The following SCUBE2 variants were observed in gnomAD, a reference collection of about 807,000 sequenced individuals.
SCUBE2 encodes the protein signal peptide, CUB domain and EGF like domain containing 2, also known as signal peptide, CUB and EGF-like domain-containing protein 2.
SCUBE2 carries 114 observed loss-of-function variants against 125.9 expected under a neutral mutation model. The ratio of observed to expected loss-of-function variants is 0.91; its 90% confidence interval spans 0.78 to 1.06. The LOEUF is 1.06. SCUBE2 is among the 50% of genes least tolerant of loss of function. The pLI, the probability that SCUBE2 is intolerant of heterozygous loss-of-function variation, is 0.00. For missense variants in SCUBE2, 1,255 were observed against 1,301.8 expected, an observed-to-expected ratio of 0.96 and a Z score of 0.55; for synonymous variants, 459 against 492.9, an observed-to-expected ratio of 0.93 and a Z score of 0.91.
chr11:9,035,370 C>T (rs1006854842), intron 16 of SCUBE2, among the ~76,000 whole-genome samples: 2 of 152,164 alleles, frequency 1.3e-5, no homozygotes, highest in Non-Finnish European at 2.9e-5. Flanking sequence ...TTGTGAAATA[C>T]TCCTATGGTA....
At chr11:9,027,924 G>T (rs551954873) in intron 19 of SCUBE2, among the ~76,000 whole-genome samples, 1 of 152,258 alleles carries the variant, frequency 6.6e-6, no homozygotes, top group African/African-American at 2.4e-5. Context: ...TCAAAATAGG[G>T]GGAACAGAGC....
chr11:9,065,827 G>T, intron 7 of SCUBE2, 64 bp downstream of exon 7: 1 of 1,396,794 alleles, frequency 7.2e-7, no homozygotes, highest in South Asian at 1.2e-5. Context: ...CAGGTCTGAT[G>T]CAATAAGTTG....
chr11:9,064,548 G>A (rs1006448300), intron 7 of SCUBE2: 1 of 151,764 alleles, frequency 6.6e-6, no homozygotes, highest in South Asian at 2.1e-4. Flanking sequence ...GGGGGAGGAG[G>A]AGCCAGAAGA....
In SCUBE2 at chr11:9,055,876, T is replaced by C. The variant is rs769248697; in HGVS notation, c.1124A>G (p.Asp375Gly). 4.2e-5 allele frequency: 67 copies of C among 1,614,110 alleles called. No homozygotes were observed. Among genetic ancestry groups the C allele is most frequent in the Non-Finnish European group, 5.5e-5 (65 of 1,180,020 alleles). Reference sequence around the variant, plus strand: ...GCCAGGGTGGTTGATGCAGCTGTGGTCACAGGTCCTATCCAAAGAGCACTC... The same window carrying C: ...GCCAGGGTGGTTGATGCAGCTGTGGCCACAGGTCCTATCCAAAGAGCACTC... ...VDECSLDRTC[D>G]HSCINHPGTF... Residue 375 changes from aspartate to glycine, a missense_variant, in exon 10 of 23, where the codon GAC (aspartate) becomes GGC (glycine). Transcript: ENST00000649792.
intron 4 of SCUBE2, among the ~76,000 whole-genome samples, chr11:9,074,072 G>A (rs1424070254): frequency 6.6e-6 from 1 of 152,178 alleles, no homozygotes; most frequent in Non-Finnish European, 1.5e-5. Context: ...AAGTCTGCAT[G>A]GGAAGGATCC....
At chr11:9,029,738 G>C (rs1856123512) in intron 19 of SCUBE2, 146 bp downstream of exon 19, 1 of 842,858 alleles carries the variant, frequency 1.2e-6, no homozygotes. Flanking sequence ...TCTCCATGCT[G>C]GTCTGCATGG....
chr11:9,060,686 A>AC (rs987423496), intron 7 of SCUBE2, among the ~76,000 whole-genome samples, 162 bp from the exon 8 acceptor site: 37 of 152,116 alleles, frequency 2.4e-4, no homozygotes, highest in African/African-American at 2.4e-4. Context: ...AGCTCCTCCC[A>AC]CCCCCCTAAA....
intron 8 of SCUBE2, 76 bp from the exon 9 acceptor site, chr11:9,059,501 T>G: frequency 6.6e-7 from 1 of 1,525,738 alleles, no homozygotes; most frequent in Middle Eastern, 1.7e-4. Flanking sequence ...AGGGCCATTG[T>G]GTGTGTTCAT....
chr11:9,073,366 G>A (rs1026903928), intron 4 of SCUBE2, among the ~76,000 whole-genome samples: 3 of 152,140 alleles, frequency 2.0e-5, no homozygotes, highest in Non-Finnish European at 4.4e-5. Context: ...GAATGAGCAG[G>A]CTCTGGGTGA....
chr11:9,022,109 C>T (rs1170440912), intron 21 of SCUBE2, 154 bp from the exon 22 acceptor site: 26 of 600,616 alleles, frequency 4.3e-5, no homozygotes, highest in Non-Finnish European at 4.6e-5. Context: ...AGAAAACTTC[C>T]ACAGACTCCC....
rs912848837 is a variant in SCUBE2 at position 9,060,417 on chromosome 11, T to C, written c.958A>G (p.Thr320Ala). Residue 320 changes from threonine to alanine, a missense_variant, in exon 8 of 23, where the codon ACA (threonine) becomes GCA (alanine). Around this residue, in one of 3 missense-constraint regions of SCUBE2, gnomAD observed 378 missense variants for 463.1 expected, o/e 0.82. Coordinates refer to ENST00000649792, the MANE Select transcript of SCUBE2 (RefSeq NM_001367977.2). Reference protein sequence around the residue: ...VGFTLQLDGKTCKDIDECQTR... With the variant: ...VGFTLQLDGKACKDIDECQTR... Reference sequence around the variant, plus strand: ...GGGAGGTGAAGGCTACCTTTACATGTCTTCCCATCCAACTGGAGAGTGAAT... The same window carrying C: ...GGGAGGTGAAGGCTACCTTTACATGCCTTCCCATCCAACTGGAGAGTGAAT... The C allele has an allele frequency of 6.2e-7, 1 of 1,613,590 alleles. No homozygotes were observed. Among genetic ancestry groups the C allele is most frequent in the Non-Finnish European group, 8.5e-7 (1 of 1,179,502 alleles).
rs1009917500 is a variant in SCUBE2, at chr11:9,084,117, C to T, written c.257-4608G>A. On this transcript the variant is annotated intron_variant, in intron 2 of 22. Transcript: ENST00000649792. ...TCATTCCAGGCCTAGGGAGGAGAAG[C>T]TATAAGATGATTCTAGAGCATGTTG... Among the ~76,000 whole-genome samples, 3 of 152,124 alleles carry T rather than the reference C, an allele frequency of 2.0e-5. No homozygotes were observed. In the South Asian group the frequency reaches 6.2e-4, roughly 32 times the overall value.
rs1346564934 is a variant in SCUBE2, at chr11:9,025,810, C to T, written c.2746G>A (p.Glu916Lys). ...VTTYETCQTY[E>K]RPIAFTSRSK... ...CTGGAGGTGAAGGCGATGGGGCGTT[C>T]GTAGGTCTGGCAGGTTTCATATGTT... is the stretch of plus-strand genomic sequence containing the variant. The change falls in exon 21 of 23, where the codon GAA becomes AAA. Residue 916 changes from glutamate (E) to lysine (K), a missense_variant. By Grantham distance (56) the Glu-to-Lys change is moderately conservative. Coordinates refer to ENST00000649792, the MANE Select transcript of SCUBE2 (RefSeq NM_001367977.2). 5.0e-6 allele frequency: 8 copies of T among 1,613,886 alleles called. No individual in the cohort carries two copies. Among genetic ancestry groups the T allele is most frequent in the East Asian group, 2.2e-5 (1 of 44,896 alleles).
Position 9,053,990 on chromosome 11 carries a change from C to CTT in SCUBE2, c.1208-233_1208-232dup, listed in dbSNP as rs11474890. Among the ~76,000 whole-genome samples, 480 of 74,982 alleles carry CTT rather than the reference C, an allele frequency of 6.4e-3. 3 individuals are homozygous for CTT. Among genetic ancestry groups the CTT allele is most frequent in the African/African-American group, 0.017 (299 of 17,890 alleles). 49.2% of individuals were successfully genotyped at this position (74,982 alleles called of 152,430 possible). On this transcript the variant is annotated intron_variant, in intron 10 of 22. Coordinates refer to ENST00000649792, the MANE Select transcript of SCUBE2 (RefSeq NM_001367977.2). ...CAATAGGGCCTTCTCAAGCTCCACT[C>CTT]TTTTTTTTTTTTTTTTTTTTTTTGA...
At chr11:9,073,248 A>G (rs1421746587) in intron 4 of SCUBE2, among the ~76,000 whole-genome samples, 1 of 152,186 alleles carries the variant, frequency 6.6e-6, no homozygotes, top group Non-Finnish European at 1.5e-5. Context: ...AGAACCTGGC[A>G]GGAAAATGAA....
In SCUBE2 at chr11:9,053,613, A is replaced by G. The variant is rs1368274070; in HGVS notation, c.1330+24T>C. The G allele has an allele frequency of 1.9e-6, 3 of 1,611,954 alleles. No individual in the cohort carries two copies. The South Asian group carries it at 3.3e-5, about 18-fold the overall frequency. On this transcript the variant is annotated intron_variant, in intron 11 of 22. Coordinates refer to ENST00000649792, the MANE Select transcript of SCUBE2 (RefSeq NM_001367977.2). ...GGGCCAGTGGCCAGCCTGCTGTCTGAGTCTGTGCCTCGGTTCCCCTTACCC... is the reference window on the plus strand; with the variant it reads ...GGGCCAGTGGCCAGCCTGCTGTCTGGGTCTGTGCCTCGGTTCCCCTTACCC...
At position 9,054,721 on chromosome 11, in the gene SCUBE2, A is replaced by T. The variant is rs868062744; in HGVS notation, c.1208-962T>A. Among the ~76,000 whole-genome samples the T allele has an allele frequency of 7.5e-3, 391 of 51,928 alleles. 14 individuals carry two copies. The highest frequency in any genetic ancestry group is 0.012 in the East Asian group (15 of 1,232). The allele number at this position is 51,928 out of a possible 152,430, so 34.1% of individuals were successfully genotyped here. ...CTAGTGTATATATATATATATATAT[A>T]TATATTTTTTTTTTTTTTTTTTTTT... On this transcript the variant is annotated intron_variant, in intron 10 of 22. Transcript: ENST00000649792.
At chr11:9,033,502 A>G (rs1856495260) in intron 17 of SCUBE2, 124 bp downstream of exon 17, 2 of 1,103,498 alleles carry the variant, frequency 1.8e-6, no homozygotes, top group Admixed American at 2.2e-5. Flanking sequence ...AATCGAGCCA[A>G]CGTGGTCCCT....
chr11:9,040,602 G>A (rs569119041), intron 16 of SCUBE2, among the ~76,000 whole-genome samples: 3 of 149,752 alleles, frequency 2.0e-5, no homozygotes, highest in Middle Eastern at 3.5e-3. Flanking sequence ...AGGCAGGATG[G>A]GGAGGGTATA....
Sources: allele counts gnomAD v4.1 joint callset (sites outside exome capture counted in the v4.1 genomes callset), GRCh38; gene constraint gnomAD v4.1.1; regional missense constraint gnomAD v4.1.1; transcripts MANE v1.5; gene names NCBI Gene and HGNC (gene_info 2026-07-23, HGNC 2026-07-21).